The following MACROD2 variants were observed in gnomAD, a reference collection of about 807,000 sequenced individuals.
MACROD2 encodes ADP-ribose glycohydrolase MACROD2.
Under a neutral mutation model 70.4 loss-of-function variants are expected in MACROD2, and 36 were observed. That is an observed-to-expected ratio of 0.51 (90% CI 0.39 to 0.68). MACROD2 has a LOEUF of 0.68. Among genes scored for constraint, MACROD2 ranks in the 30% least tolerant of loss-of-function variants. MACROD2 has a pLI of 0.00. For synonymous variants in MACROD2, 172 were observed against 178.8 expected, an observed-to-expected ratio of 0.96 and a Z score of 0.30; for missense variants, 496 against 538.4, an observed-to-expected ratio of 0.92 and a Z score of 0.78.
chr20:14,590,519 A>G (rs1477455160), intron 4 of MACROD2, among the ~76,000 whole-genome samples: 1 of 152,272 alleles, frequency 6.6e-6, no homozygotes, highest in East Asian at 1.9e-4. Flanking sequence ...TGAAACTGCA[A>G]ACAGATACCT....
rs71190120 is a variant in MACROD2 at position 14,230,669 on chromosome 20, C to CTATA, written c.271+144969_271+144972dup. Among the ~76,000 whole-genome samples, 51 of 92,910 alleles carry CTATA rather than the reference C, an allele frequency of 5.5e-4. 7 individuals are homozygous for CTATA. The highest frequency in any genetic ancestry group is 2.4e-3 in the African/African-American group (46 of 19,282). 61.0% of individuals were successfully genotyped at this position (92,910 alleles called of 152,430 possible). ...TATATATATATAACACAGGCTGGGC[C>CTATA]TATATATATATATATATATATATAT... On this transcript the variant is annotated intron_variant, in intron 3 of 17. Coordinates refer to ENST00000684519, the MANE Select transcript of MACROD2 (RefSeq NM_001351661.2).
intron 5 of MACROD2, among the ~76,000 whole-genome samples, chr20:14,694,573 C>T (rs1190699599): frequency 6.6e-6 from 1 of 151,976 alleles, no homozygotes; most frequent in Admixed American, 6.6e-5. Flanking sequence ...CATATGGTAC[C>T]TTATTATTTA....
At chr20:15,971,913 A>T (rs116060096) in intron 13 of MACROD2, among the ~76,000 whole-genome samples, 449 of 152,314 alleles carry the variant, frequency 2.9e-3, no homozygotes, top group African/African-American at 0.01. Flanking sequence ...CCCATAAATG[A>T]TGCAGATGAT....
intron 15 of MACROD2, among the ~76,000 whole-genome samples, chr20:15,995,295 C>T (rs1396524458): frequency 6.6e-6 from 1 of 151,596 alleles, no homozygotes; most frequent in Non-Finnish European, 1.5e-5. Flanking sequence ...CTGGGCTCAT[C>T]CCAAGCATAG....
At chr20:14,757,769 C>A (rs1326399669) in intron 5 of MACROD2, 5 of 1,535,410 alleles carry the variant, frequency 3.3e-6, no homozygotes, top group Non-Finnish European at 4.5e-6. Context: ...CTACTGGTAC[C>A]TTCCCAATGA....
intron 5 of MACROD2, among the ~76,000 whole-genome samples, chr20:14,973,225 CTTTTTTT>C (rs1223038135): frequency 1.0e-4 from 9 of 85,736 alleles, no homozygotes; most frequent in East Asian, 3.8e-4. Flanking sequence ...TGAGTAGTTG[CTTTTTTT>C]TTTTTTTTTT....
At chr20:14,281,796 G>A (rs1289776195) in intron 3 of MACROD2, among the ~76,000 whole-genome samples, 1 of 151,554 alleles carries the variant, frequency 6.6e-6, no homozygotes, top group Non-Finnish European at 1.5e-5. Flanking sequence ...TTAGCCGGGC[G>A]CGGTGATGTG....
intron 3 of MACROD2, among the ~76,000 whole-genome samples, chr20:14,117,065 C>A (rs2054524364): frequency 7.6e-6 from 1 of 131,124 alleles, no homozygotes. Flanking sequence ...GACTCCATCT[C>A]AAAAAAAAAA....
intron 8 of MACROD2, among the ~76,000 whole-genome samples, chr20:15,745,702 A>G (rs960911726): frequency 6.6e-6 from 1 of 152,178 alleles, no homozygotes; most frequent in Non-Finnish European, 1.5e-5. Context: ...TAATTATTTT[A>G]GGTATTTAAT....
chr20:14,403,164 C>A (rs921961591), intron 3 of MACROD2, among the ~76,000 whole-genome samples: 4 of 151,902 alleles, frequency 2.6e-5, no homozygotes, highest in Non-Finnish European at 4.4e-5. Context: ...TGTTTAAATA[C>A]CAATGGAAAT....
Position 15,368,235 on chromosome 20 carries a change from A to C in MACROD2, c.541-63170A>C, listed in dbSNP as rs150908361. On this transcript the variant is annotated intron_variant, in intron 6 of 17. Coordinates refer to ENST00000684519, the MANE Select transcript of MACROD2 (RefSeq NM_001351661.2). ...CAGACTCTCAGGCCCACCCCCGCCT[A>C]CTGAGTAAGAACACTAAGGAGGCAG... Among the ~76,000 whole-genome samples, 446 of 151,422 alleles carry C rather than the reference A, an allele frequency of 2.9e-3. 4 individuals are homozygous for C. The highest frequency in any genetic ancestry group is 0.01 in the African/African-American group (428 of 41,288).
chr20:15,925,684 A>G (rs776945531), intron 10 of MACROD2, among the ~76,000 whole-genome samples: 64 of 152,180 alleles, frequency 4.2e-4, no homozygotes, highest in Non-Finnish European at 7.3e-5. Flanking sequence ...TACACAACAC[A>G]TATGGAAGGC....
chr20:14,245,672 G>T (rs1328833738), intron 3 of MACROD2, among the ~76,000 whole-genome samples: 1 of 152,160 alleles, frequency 6.6e-6, no homozygotes, highest in Non-Finnish European at 1.5e-5. Flanking sequence ...TAGGAGAGGG[G>T]TATTCCAAGG....
At chr20:16,012,044 T>C (rs1263515166) in intron 15 of MACROD2, among the ~76,000 whole-genome samples, 2 of 152,106 alleles carry the variant, frequency 1.3e-5, no homozygotes, top group Non-Finnish European at 2.9e-5. Context: ...AGGTCCCCCA[T>C]TCAGGGAATG....
chr20:14,397,559 A>G (rs952710565), intron 3 of MACROD2, among the ~76,000 whole-genome samples: 1 of 152,148 alleles, frequency 6.6e-6, no homozygotes, highest in African/African-American at 2.4e-5. Context: ...AGACCCTACA[A>G]TACATCGTTA....
intron 6 of MACROD2, among the ~76,000 whole-genome samples, chr20:15,250,558 G>A (rs922476952): frequency 6.6e-6 from 1 of 152,162 alleles, no homozygotes; most frequent in Admixed American, 6.5e-5. Flanking sequence ...AAGAATGTAT[G>A]TGAAATAATA....
At chr20:16,026,975 A>G (rs180672659) in intron 15 of MACROD2, among the ~76,000 whole-genome samples, 23 of 152,288 alleles carry the variant, frequency 1.5e-4, no homozygotes, top group Non-Finnish European at 2.8e-4. Flanking sequence ...TCTGGGAGTA[A>G]TTAACTCTCA....
At chr20:15,819,568 A>G (rs1353458418) in intron 8 of MACROD2, among the ~76,000 whole-genome samples, 1 of 150,296 alleles carries the variant, frequency 6.7e-6, no homozygotes, top group Non-Finnish European at 1.5e-5. Flanking sequence ...ATACACACAC[A>G]ATGGAATATT....
At chr20:15,691,911 T>A (rs1342070793) in intron 8 of MACROD2, among the ~76,000 whole-genome samples, 1 of 152,228 alleles carries the variant, frequency 6.6e-6, no homozygotes, top group African/African-American at 2.4e-5. Context: ...TAATTTCTCA[T>A]GTCAACCTGC....
Sources: allele counts gnomAD v4.1 joint callset (sites outside exome capture counted in the v4.1 genomes callset), GRCh38; gene constraint gnomAD v4.1.1; transcripts MANE v1.5; gene names NCBI Gene and HGNC (gene_info 2026-07-23, HGNC 2026-07-21).